Variants in ADGRB3 observed in about 807,000 individuals in gnomAD.
The protein encoded by ADGRB3 is adhesion G protein-coupled receptor B3.
Under a neutral mutation model 193.4 loss-of-function variants are expected in ADGRB3, and 37 were observed. That is an observed-to-expected ratio of 0.19 (90% CI 0.15 to 0.25). The LOEUF is 0.25. Among genes scored for constraint, ADGRB3 ranks in the 10% least tolerant of loss-of-function variants. ADGRB3 has a pLI of 1.00. For missense variants in ADGRB3, 1,637 were observed against 1,852.9 expected (o/e 0.88, Z 2.14); for synonymous variants, 690 against 644.2 (o/e 1.07, Z -1.08).
chr6:69,383,275 T>G (rs1007178997), intron 31 of ADGRB3, among the ~76,000 whole-genome samples: 2 of 152,024 alleles, frequency 1.3e-5, no homozygotes, highest in African/African-American at 4.8e-5. Context: ...TATTTCCATT[T>G]TCATTTGAAT....
intron 17 of ADGRB3, among the ~76,000 whole-genome samples, chr6:69,078,955 G>A (rs192774965): frequency 1.1e-3 from 174 of 152,084 alleles, no homozygotes; most frequent in Admixed American, 2.0e-3. Flanking sequence ...TGCATGTTTC[G>A]TAGGTACATT....
intron 17 of ADGRB3, among the ~76,000 whole-genome samples, chr6:69,122,960 G>GTA (rs1327109803): frequency 1.3e-5 from 2 of 149,680 alleles, no homozygotes; most frequent in South Asian, 2.1e-4. Flanking sequence ...ATATATGTAT[G>GTA]TATATATATG....
chr6:69,069,731 T>TAAAAAAA (rs754345752), intron 16 of ADGRB3, among the ~76,000 whole-genome samples: 1 of 108,234 alleles, frequency 9.2e-6, no homozygotes, highest in Non-Finnish European at 1.8e-5. Flanking sequence ...ACTCTCTCAT[T>TAAAAAAA]AAAAAAAAAA....
chr6:69,262,236 A>G (rs1328621215), intron 20 of ADGRB3, among the ~76,000 whole-genome samples: 1 of 151,958 alleles, frequency 6.6e-6, no homozygotes, highest in Non-Finnish European at 1.5e-5. Flanking sequence ...GCATAATTTT[A>G]TTTGCCTGCT....
intron 17 of ADGRB3, among the ~76,000 whole-genome samples, chr6:69,109,129 C>T (rs1773298094): frequency 6.6e-6 from 1 of 152,048 alleles, no homozygotes; most frequent in Non-Finnish European, 1.5e-5. Flanking sequence ...CCGTAGTGGC[C>T]TATAAGATTC....
At chr6:69,054,367 G>A (rs550051298) in intron 15 of ADGRB3, among the ~76,000 whole-genome samples, 1 of 152,122 alleles carries the variant, frequency 6.6e-6, no homozygotes, top group East Asian at 1.9e-4. Flanking sequence ...AAATAATATT[G>A]GAAATAATAG....
rs183124056 is a variant in ADGRB3, at chr6:68,991,967, A to G, written c.1735-1801A>G. ...TCTAAAGCCCATTCCATTATATTGCACCACAAAGGTGTACTTAGGGCATAA... is the reference window on the plus strand; with the variant it reads ...TCTAAAGCCCATTCCATTATATTGCGCCACAAAGGTGTACTTAGGGCATAA... On this transcript the variant is annotated intron_variant, in intron 10 of 31. Transcript: ENST00000370598. Among the ~76,000 whole-genome samples, 273 of 152,288 alleles carry G rather than the reference A, an allele frequency of 1.8e-3. 2 individuals carry two copies. The highest frequency in any genetic ancestry group is 1.0e-3 in the Non-Finnish European group (70 of 68,022).
At chr6:69,258,848 T>C (rs976310669) in intron 20 of ADGRB3, among the ~76,000 whole-genome samples, 4 of 152,128 alleles carry the variant, frequency 2.6e-5, no homozygotes, top group South Asian at 2.1e-4. Flanking sequence ...GTTGAACGGA[T>C]AGATTAAAAA....
intron 20 of ADGRB3, among the ~76,000 whole-genome samples, chr6:69,270,036 T>C (rs1231453964): frequency 2.6e-5 from 4 of 152,198 alleles, no homozygotes; most frequent in African/African-American, 9.6e-5. Flanking sequence ...ATACCTTGGC[T>C]CATCAGAGTT....
At chr6:69,232,448 G>A in intron 17 of ADGRB3, 1 of 1,499,978 alleles carries the variant, frequency 6.7e-7, no homozygotes, top group South Asian at 1.3e-5. Flanking sequence ...AGAGAAAATT[G>A]AACCAGGCTC....
chr6:68,908,321 C>A (rs1343822506), intron 3 of ADGRB3, among the ~76,000 whole-genome samples: 2 of 152,036 alleles, frequency 1.3e-5, no homozygotes, highest in Non-Finnish European at 2.9e-5. Context: ...ACAATGACTA[C>A]CTTGTCTCCA....
At chr6:69,306,859 G>C (rs1234818778) in intron 20 of ADGRB3, among the ~76,000 whole-genome samples, 1 of 151,408 alleles carries the variant, frequency 6.6e-6, no homozygotes, top group Non-Finnish European at 1.5e-5. Flanking sequence ...ATGAAAAGGT[G>C]TATCACAGAT....
chr6:68,868,601 T>C (rs1765369461), intron 3 of ADGRB3, among the ~76,000 whole-genome samples: 1 of 152,204 alleles, frequency 6.6e-6, no homozygotes, highest in Non-Finnish European at 1.5e-5. Flanking sequence ...AAAGCAAACA[T>C]TTATTTTTCT....
intron 3 of ADGRB3, among the ~76,000 whole-genome samples, chr6:68,708,378 G>T (rs1030233629): frequency 6.6e-6 from 1 of 151,990 alleles, no homozygotes; most frequent in Non-Finnish European, 1.5e-5. Flanking sequence ...AATGTATCTG[G>T]GGTCCTGGAC....
At chr6:68,824,968 T>C (rs1224336454) in intron 3 of ADGRB3, among the ~76,000 whole-genome samples, 1 of 151,960 alleles carries the variant, frequency 6.6e-6, no homozygotes, top group Non-Finnish European at 1.5e-5. Flanking sequence ...AATTCTCCTG[T>C]GTCAGCCTCA....
At chr6:69,159,014 G>GGT (rs563524726) in intron 17 of ADGRB3, among the ~76,000 whole-genome samples, 270 of 152,064 alleles carry the variant, frequency 1.8e-3, no homozygotes, top group African/African-American at 6.1e-3. Context: ...CATGCCTCAT[G>GGT]AAATTATTTT....
intron 3 of ADGRB3, among the ~76,000 whole-genome samples, chr6:68,662,615 G>T (rs1768691618): frequency 6.6e-6 from 1 of 151,404 alleles, no homozygotes; most frequent in Non-Finnish European, 1.5e-5. Context: ...TTGTATTCTA[G>T]TGTCCGTACA....
intron 3 of ADGRB3, among the ~76,000 whole-genome samples, chr6:68,902,700 C>T (rs900715385): frequency 2.0e-5 from 3 of 151,852 alleles, no homozygotes; most frequent in African/African-American, 7.2e-5. Context: ...ATACATGTAA[C>T]CACATATAAT....
intron 19 of ADGRB3, among the ~76,000 whole-genome samples, chr6:69,237,821 A>T (rs986343878): frequency 6.6e-6 from 1 of 152,036 alleles, no homozygotes; most frequent in Non-Finnish European, 1.5e-5. Flanking sequence ...AGAGACAATT[A>T]ATAGTTGATG....
Sources: allele counts gnomAD v4.1 joint callset (sites outside exome capture counted in the v4.1 genomes callset), GRCh38; gene constraint gnomAD v4.1.1; transcripts MANE v1.5; gene names NCBI Gene and HGNC (gene_info 2026-07-23, HGNC 2026-07-21).